CAST: variants seen among roughly 807,000 people sequenced by gnomAD.
CAST encodes calpastatin, also known as MIR583 host.
In CAST, 76 loss-of-function variants were observed where a neutral mutation model predicts 119.6. The observed-to-expected ratio is 0.64, with a 90% CI of 0.53 to 0.77. The LOEUF is 0.77. Among genes scored for constraint, CAST ranks in the 30% least tolerant of loss-of-function variants. CAST has a pLI of 0.00. For missense variants in CAST, 953 were observed against 946.5 expected (o/e 1.01, Z -0.09); for synonymous variants, 319 against 331.6 (o/e 0.96, Z 0.41).
the CAST span, among the ~76,000 whole-genome samples, chr5:96,502,492 G>A: frequency 2.4e-3 from 368 of 151,494 alleles, 1 homozygote; most frequent in African/African-American, 8.5e-3. Context: ...TAAAGAAATT[G>A]TTTAATTAAA....
At chr5:96,737,440 T>C (rs1332841221) in intron 10 of CAST, among the ~76,000 whole-genome samples, 1 of 152,240 alleles carries the variant, frequency 6.6e-6, no homozygotes, top group Non-Finnish European at 1.5e-5. Flanking sequence ...TGGAAAAGTA[T>C]TGATAAGCAA....
chr5:96,369,030 C>T, the CAST span, among the ~76,000 whole-genome samples: 14 of 152,000 alleles, frequency 9.2e-5, no homozygotes, highest in African/African-American at 2.2e-4. Flanking sequence ...TCTCAATAAT[C>T]GCTTCAATTA....
At chr5:96,134,956 G>T in the CAST span, among the ~76,000 whole-genome samples, 1 of 152,172 alleles carries the variant, frequency 6.6e-6, no homozygotes, top group Non-Finnish European at 1.5e-5. Flanking sequence ...GAGCTGACAA[G>T]GAAAGATGAG....
the CAST span, among the ~76,000 whole-genome samples, chr5:96,289,590 T>TTG: frequency 6.6e-6 from 1 of 152,284 alleles, no homozygotes; most frequent in South Asian, 2.1e-4. Flanking sequence ...TCTGCCATGA[T>TTG]TGTGTGGCCT....
At chr5:96,126,208 A>T in the CAST span, among the ~76,000 whole-genome samples, 41 of 152,218 alleles carry the variant, frequency 2.7e-4, no homozygotes, top group African/African-American at 9.4e-4. Flanking sequence ...TTATATTAAT[A>T]ATTTCTCAAA....
chr5:96,746,286 T>C lies in CAST; in HGVS notation c.1201-56T>C, dbSNP rs115727868. 1,815 of 946,232 alleles carry C rather than the reference T, an allele frequency of 1.9e-3. 18 individuals are homozygous for C. The African/African-American group carries it at 0.026, about 13-fold the overall frequency. The allele number at this position is 946,232 out of a possible 1,614,324, so 58.6% of individuals were successfully genotyped here. A position where few individuals can be genotyped will look rare whatever the true frequency, so the allele number is the denominator to read the frequency against. On this transcript the variant is annotated intron_variant, in intron 16 of 31. Coordinates refer to ENST00000675179, the MANE Select transcript of CAST (RefSeq NM_001750.7). ...CGAGAAGTACACAGAGGAAGTGATA[T>C]CATCTCATTATGTGCATTATCCAAC...
At chr5:96,619,323 T>C (rs1451857441) in intron 1 of CAST, among the ~76,000 whole-genome samples, 1 of 152,188 alleles carries the variant, frequency 6.6e-6, no homozygotes, top group Non-Finnish European at 1.5e-5. Context: ...ACTCTGTGTC[T>C]AGCTCAGGGA....
chr5:96,771,491 C>A (rs1378567916), intron 30 of CAST, among the ~76,000 whole-genome samples, 153 bp from the exon 31 acceptor site: 4 of 152,042 alleles, frequency 2.6e-5, no homozygotes, highest in African/African-American at 4.8e-5. Context: ...GAAGAACTCA[C>A]AATATTGTGG....
the CAST span, among the ~76,000 whole-genome samples, chr5:95,999,116 C>T: frequency 6.6e-6 from 1 of 151,880 alleles, no homozygotes; most frequent in Non-Finnish European, 1.5e-5. Flanking sequence ...CCAGTAAGAC[C>T]CCATGCCTAT....
chr5:96,562,039 G>A (rs1431142027), intron 1 of CAST, among the ~76,000 whole-genome samples: 4 of 150,952 alleles, frequency 2.6e-5, no homozygotes, highest in African/African-American at 7.3e-5. Context: ...TGATCCGCCC[G>A]CCTCGGCCTC....
the CAST span, chr5:96,392,994 A>C: frequency 4.3e-6 from 7 of 1,613,994 alleles, no homozygotes; most frequent in African/African-American, 8.0e-5. Flanking sequence ...GGGACCACAC[A>C]CTTATTTTAA....
chr5:96,445,026 G>T, the CAST span, among the ~76,000 whole-genome samples: 3 of 152,220 alleles, frequency 2.0e-5, no homozygotes, highest in African/African-American at 7.2e-5. Flanking sequence ...TCTTGGGTTA[G>T]TTGGATTCCA....
the CAST span, among the ~76,000 whole-genome samples, chr5:96,360,832 G>A: frequency 6.6e-6 from 1 of 152,234 alleles, no homozygotes; most frequent in Admixed American, 6.5e-5. Flanking sequence ...TGGGGAAGCA[G>A]TCTGTCCCTT....
At chr5:96,412,752 G>GTTTTTTTTTTTTT in the CAST span, among the ~76,000 whole-genome samples, 4 of 71,832 alleles carry the variant, frequency 5.6e-5, no homozygotes, top group African/African-American at 3.6e-4. Context: ...CAGCTGTGAT[G>GTTTTTTTTTTTTT]TTTTTTTTTT....
At chr5:96,484,235 G>T in the CAST span, among the ~76,000 whole-genome samples, 2 of 152,074 alleles carry the variant, frequency 1.3e-5, no homozygotes, top group Admixed American at 1.3e-4. Context: ...CATTACCAAT[G>T]GCTGTGCCTG....
the CAST span, among the ~76,000 whole-genome samples, chr5:96,426,804 T>C: frequency 1.3e-5 from 2 of 152,032 alleles, no homozygotes; most frequent in Non-Finnish European, 2.9e-5. Context: ...ATGAATCAGC[T>C]CCAAAAATAA....
At chr5:96,586,049 C>T (rs1038451257) in intron 1 of CAST, among the ~76,000 whole-genome samples, 1 of 152,190 alleles carries the variant, frequency 6.6e-6, no homozygotes, top group African/African-American at 2.4e-5. Flanking sequence ...ATTCTAGGCA[C>T]TTACATATAT....
At chr5:96,211,568 G>T in the CAST span, among the ~76,000 whole-genome samples, 1 of 151,842 alleles carries the variant, frequency 6.6e-6, no homozygotes, top group African/African-American at 2.4e-5. Flanking sequence ...ACTTTTACAT[G>T]TATTTTCATG....
chr5:96,736,041 T>G, intron 9 of CAST, 131 bp from the exon 10 acceptor site: 1 of 604,014 alleles, frequency 1.7e-6, no homozygotes. Flanking sequence ...CACAGCACAG[T>G]TTCTGCTGTA....
Sources: gnomAD v4.1 joint callset for allele counts (sites outside exome capture counted in the v4.1 genomes callset) on GRCh38, gnomAD v4.1.1 for gene constraint, MANE v1.5 for transcripts, NCBI Gene and HGNC (gene_info 2026-07-23, HGNC 2026-07-21) for gene names.